Variants in DNAH7 observed in about 807,000 individuals in gnomAD.
DNAH7 encodes the protein dynein axonemal heavy chain 7, also known as axonemal beta dynein heavy chain 7.
A neutral mutation model predicts 444.6 loss-of-function variants in DNAH7; 397 were observed. The observed-to-expected ratio is 0.89, with a 90% CI of 0.82 to 0.97. The LOEUF (loss-of-function observed/expected upper bound fraction) is 0.97. Among genes scored for constraint, DNAH7 ranks in the 50% least tolerant of loss-of-function variants. The pLI is 0.00. For synonymous variants in DNAH7, 1,636 were observed against 1,624.4 expected (o/e 1.01, Z -0.17); for missense variants, 4,902 against 4,800.8 (o/e 1.02, Z -0.62).
intron 40 of DNAH7, among the ~76,000 whole-genome samples, chr2:195,871,629 A>C (rs951170911): frequency 2.0e-5 from 3 of 152,076 alleles, no homozygotes; most frequent in African/African-American, 7.2e-5. Flanking sequence ...TTCTTATAAA[A>C]ACATCTCCTT....
chr2:195,881,666 T>G, intron 36 of DNAH7, 129 bp downstream of exon 36: 1 of 947,834 alleles, frequency 1.1e-6, no homozygotes, highest in Non-Finnish European at 1.5e-6. Flanking sequence ...GTGGCAATTT[T>G]TCAAAAATTC....
At chr2:196,035,123 A>C (rs756752041) in intron 5 of DNAH7, among the ~76,000 whole-genome samples, 19 of 152,142 alleles carry the variant, frequency 1.2e-4, no homozygotes, top group Non-Finnish European at 2.5e-4. Context: ...CGGAGGTTGC[A>C]GTGAGCCAAG....
At chr2:195,977,416 G>A (rs1235458369) in intron 15 of DNAH7, among the ~76,000 whole-genome samples, 1 of 152,086 alleles carries the variant, frequency 6.6e-6, no homozygotes, top group African/African-American at 2.4e-5. Context: ...AAGAATTAGT[G>A]AGCTTGAAGA....
rs781568335 is a variant in DNAH7 at position 195,970,039 on chromosome 2, T to C, written c.2114A>G (p.Glu705Gly). ...ELESYAKQSE[E>G]FYSFGDLQDV... is the part of the protein sequence containing the mutation. ...CTGAAGATCTCCAAATGAATAAAATTCTTCTGATTGCTTAGCATAACTCTC... is the reference window on the plus strand; with the variant it reads ...CTGAAGATCTCCAAATGAATAAAATCCTTCTGATTGCTTAGCATAACTCTC... The change falls in exon 17 of 65, where the codon GAA becomes GGA. Residue 705 changes from glutamate to glycine, a missense_variant. Transcript: ENST00000312428. The C allele has an allele frequency of 1.2e-5, 20 of 1,613,008 alleles. No homozygotes were observed. The South Asian group carries it at 2.0e-4, about 16-fold the overall frequency.
rs905157897 is a variant in DNAH7, at chr2:195,970,408, A to G, written c.2059-314T>C. 1.2e-4 allele frequency among the ~76,000 whole-genome samples: 19 copies of G among 152,318 alleles called. No homozygotes were observed. The East Asian group carries it at 2.1e-3, about 17-fold the overall frequency. ...TTAATATGCTGAAGAATTTATGCAA[A>G]CAAATAATTTATCAGCATTTGAAAA... On this transcript the variant is annotated intron_variant, in intron 16 of 64. Coordinates refer to ENST00000312428, the MANE Select transcript of DNAH7 (RefSeq NM_018897.3).
rs770141019 is a variant in DNAH7 at position 195,936,592 on chromosome 2, T to G, written c.3272+7A>C. ...TTAGTCATGTATTCTACATGTAAAT[T>G]ACTTACCTAGTGGGATCTTTAGTCT... On this transcript the variant is annotated splice_region_variant and intron_variant, in intron 20 of 64. Coordinates refer to ENST00000312428, the MANE Select transcript of DNAH7 (RefSeq NM_018897.3). 6.4e-7 allele frequency: 1 copy of G among 1,567,292 alleles called. No homozygotes were observed. The highest frequency in any genetic ancestry group is 2.3e-5 in the East Asian group (1 of 43,834).
Position 195,886,730 on chromosome 2 carries a change from G to C in DNAH7, c.5407-458C>G, listed in dbSNP as rs1701733463. 2.6e-5 allele frequency among the ~76,000 whole-genome samples: 4 copies of C among 152,276 alleles called. No individual in the cohort carries two copies. The South Asian group carries it at 8.3e-4, about 32-fold the overall frequency. Reference sequence around the variant, plus strand: ...TGGAGCCCTCAAAAGCCTTGCTGGAGTGCTGAACTTGTCGTGCACTTTACT... The same window carrying C: ...TGGAGCCCTCAAAAGCCTTGCTGGACTGCTGAACTTGTCGTGCACTTTACT... On this transcript the variant is annotated intron_variant, in intron 33 of 64. Coordinates refer to ENST00000312428, the MANE Select transcript of DNAH7 (RefSeq NM_018897.3).
intron 5 of DNAH7, among the ~76,000 whole-genome samples, chr2:196,039,244 A>C (rs955016298): frequency 1.3e-5 from 2 of 152,224 alleles, no homozygotes; most frequent in African/African-American, 4.8e-5. Context: ...GACATTAAAT[A>C]CCAAGCAACC....
chr2:195,936,371 T>C (rs1267155690), intron 20 of DNAH7, among the ~76,000 whole-genome samples: 1 of 151,838 alleles, frequency 6.6e-6, no homozygotes, highest in Non-Finnish European at 1.5e-5. Flanking sequence ...TGAAACTCCA[T>C]CTCAAAAACA....
intron 19 of DNAH7, among the ~76,000 whole-genome samples, chr2:195,947,808 C>G (rs1574851723): frequency 6.6e-6 from 1 of 152,066 alleles, no homozygotes; most frequent in Non-Finnish European, 1.5e-5. Context: ...GGTATATACC[C>G]AGTAATGGGA....
At chr2:196,031,542 C>T (rs900848448) in intron 5 of DNAH7, among the ~76,000 whole-genome samples, 1 of 152,020 alleles carries the variant, frequency 6.6e-6, no homozygotes, top group East Asian at 1.9e-4. Flanking sequence ...TTATGCACTG[C>T]ATCTCTTATG....
chr2:195,910,257 C>A, intron 24 of DNAH7, 62 bp from the exon 25 acceptor site: 1 of 1,370,842 alleles, frequency 7.3e-7, no homozygotes, highest in Non-Finnish European at 9.7e-7. Context: ...ATTCACATGC[C>A]AAGAAGAGAA....
chr2:195,899,451 T>C (rs540896145), intron 28 of DNAH7, among the ~76,000 whole-genome samples: 57 of 152,328 alleles, frequency 3.7e-4, no homozygotes, highest in African/African-American at 1.3e-3. Context: ...AATCCTGACA[T>C]GCCAACTTAA....
chr2:195,868,171 CT>C (rs1203628127), intron 40 of DNAH7, among the ~76,000 whole-genome samples: 1 of 146,832 alleles, frequency 6.8e-6, no homozygotes, highest in Non-Finnish European at 1.5e-5. Context: ...TCTCGGCTCA[CT>C]GCAAGCTCCG....
At chr2:196,066,307 AGTTATCACCATGCT>A (rs1698427077) in intron 1 of DNAH7, among the ~76,000 whole-genome samples, 1 of 152,256 alleles carries the variant, frequency 6.6e-6, no homozygotes, top group South Asian at 2.1e-4. Flanking sequence ...TGGTTGTTAA[AGTTATCACCATGCT>A]GTTGGTCTCA....
intron 63 of DNAH7, among the ~76,000 whole-genome samples, chr2:195,750,654 T>C (rs1429399817): frequency 1.3e-5 from 2 of 152,196 alleles, no homozygotes; most frequent in Non-Finnish European, 2.9e-5. Flanking sequence ...GTTCATTAGC[T>C]GTGAGACCTT....
At position 196,020,977 on chromosome 2, in the gene DNAH7, C is replaced by T. The variant is rs774731086; in HGVS notation, c.744-1682G>A. Among the ~76,000 whole-genome samples, 56 of 152,162 alleles carry T rather than the reference C, an allele frequency of 3.7e-4. 1 individual carries two copies. Among genetic ancestry groups the T allele is most frequent in the Admixed American group, 7.9e-4 (12 of 15,276 alleles). ...AAGTGGTTATTTAATCATATAAGTTCCATCCTTCAAACTATTTAAGAGATT... is the reference window on the plus strand; with the variant it reads ...AAGTGGTTATTTAATCATATAAGTTTCATCCTTCAAACTATTTAAGAGATT... On this transcript the variant is annotated intron_variant, in intron 8 of 64. Transcript: ENST00000312428.
chr2:196,020,775 T>C (rs1211860607), intron 8 of DNAH7, among the ~76,000 whole-genome samples: 4 of 152,102 alleles, frequency 2.6e-5, no homozygotes. Context: ...CATGCCCAGC[T>C]AACTTTTGTA....
At chr2:195,896,022 T>C (rs1186366490) in intron 29 of DNAH7, among the ~76,000 whole-genome samples, 1 of 152,218 alleles carries the variant, frequency 6.6e-6, no homozygotes, top group Non-Finnish European at 1.5e-5. Context: ...TACAAACATT[T>C]GTGTGTGAAT....
Sources: allele counts gnomAD v4.1 joint callset (sites outside exome capture counted in the v4.1 genomes callset), GRCh38; gene constraint gnomAD v4.1.1; transcripts MANE v1.5; gene names NCBI Gene and HGNC (gene_info 2026-07-23, HGNC 2026-07-21).